The following CNTNAP2 variants were observed in gnomAD, a reference collection of about 807,000 sequenced individuals.
The protein encoded by CNTNAP2 is contactin-associated protein-like 2.
CNTNAP2 carries 98 observed loss-of-function variants against 155.2 expected under a neutral mutation model. The ratio of observed to expected loss-of-function variants is 0.63; its 90% CI spans 0.54 to 0.75. The LOEUF is 0.75. CNTNAP2 is among the 30% of genes least tolerant of loss of function. CNTNAP2 has a pLI of 0.00. For missense variants in CNTNAP2, 1,727 were observed against 1,688.1 expected (o/e 1.02, Z -0.40); for synonymous variants, 651 against 631.2 (o/e 1.03, Z -0.47).
intron 19 of CNTNAP2, 38 bp from the exon 20 acceptor site, chr7:148,229,608 G>A: frequency 6.2e-7 from 1 of 1,613,046 alleles, no homozygotes; most frequent in Non-Finnish European, 8.5e-7. Context: ...TGAAATTTAG[G>A]GCAAACAAAT....
At position 148,369,715 on chromosome 7, in the gene CNTNAP2, A is replaced by T. The variant is rs114961510; in HGVS notation, c.3476-13934A>T. Among the ~76,000 whole-genome samples, 417 of 151,066 alleles carry T rather than the reference A, an allele frequency of 2.8e-3. 3 individuals are homozygous for T. The highest frequency in any genetic ancestry group is 0.01 in the Middle Eastern group (3 of 286). On this transcript the variant is annotated intron_variant, in intron 21 of 23. Coordinates refer to ENST00000361727, the MANE Select transcript of CNTNAP2 (RefSeq NM_014141.6). ...CTACATTCACTATGAGAAAACATTC[A>T]CGTCTCAGAAATAACAGTAATAAGG... is the stretch of plus-strand genomic sequence containing the variant.
intron 21 of CNTNAP2, among the ~76,000 whole-genome samples, chr7:148,283,648 A>AT (rs111674081): frequency 5.3e-5 from 8 of 151,624 alleles, no homozygotes; most frequent in Non-Finnish European, 8.8e-5. Context: ...ATTCAGTGCC[A>AT]TTTTTTTTGC....
intron 14 of CNTNAP2, among the ~76,000 whole-genome samples, chr7:147,963,103 T>A (rs1369818960): frequency 2.0e-5 from 3 of 152,116 alleles, no homozygotes; most frequent in African/African-American, 7.2e-5. Flanking sequence ...GGCTACAAAA[T>A]GACATAATCT....
chr7:147,082,177 A>G (rs772540500), intron 4 of CNTNAP2: 3 of 152,250 alleles, frequency 2.0e-5, no homozygotes, highest in Non-Finnish European at 2.9e-5. Context: ...GGATGCTGCT[A>G]TTTAAACATT....
intron 9 of CNTNAP2, among the ~76,000 whole-genome samples, chr7:147,352,141 T>C (rs1173773624): frequency 2.0e-5 from 3 of 151,978 alleles, no homozygotes; most frequent in African/African-American, 7.2e-5. Context: ...GAAATTTGAC[T>C]GACATGACTC....
At chr7:147,640,315 G>A (rs766715504) in intron 13 of CNTNAP2, among the ~76,000 whole-genome samples, 4 of 152,206 alleles carry the variant, frequency 2.6e-5, no homozygotes, top group Non-Finnish European at 4.4e-5. Context: ...TAGTCACCAT[G>A]TTATACAATA....
intron 21 of CNTNAP2, among the ~76,000 whole-genome samples, chr7:148,366,074 A>G (rs542370185): frequency 0.025 from 248 of 9,828 alleles, 122 homozygotes; most frequent in African/African-American, 0.055. Flanking sequence ...GTATGCATGT[A>G]TGTGTGTGCA....
At chr7:147,148,369 G>C (rs566150576) in intron 8 of CNTNAP2, among the ~76,000 whole-genome samples, 1 of 128,920 alleles carries the variant, frequency 7.8e-6, no homozygotes, top group African/African-American at 3.0e-5. Context: ...CAGCCTGGGC[G>C]ACAGAGCGAG....
At chr7:147,775,346 T>A (rs1300399329) in intron 13 of CNTNAP2, among the ~76,000 whole-genome samples, 3 of 37,418 alleles carry the variant, frequency 8.0e-5, no homozygotes, top group African/African-American at 6.5e-4. Context: ...TAAATATATA[T>A]ATTTATATAT....
chr7:146,955,230 G>A (rs956610739), intron 3 of CNTNAP2, among the ~76,000 whole-genome samples: 4 of 151,860 alleles, frequency 2.6e-5, no homozygotes, highest in Non-Finnish European at 5.9e-5. Context: ...CAGCATTGTT[G>A]CCAAGCATTT....
intron 21 of CNTNAP2, among the ~76,000 whole-genome samples, chr7:148,276,078 G>A (rs1244975267): frequency 2.6e-5 from 4 of 152,116 alleles, no homozygotes; most frequent in Admixed American, 6.5e-5. Context: ...TACCAGCAGG[G>A]CCACATGTCC....
chr7:146,746,994 T>C (rs977347662), intron 1 of CNTNAP2, among the ~76,000 whole-genome samples: 2 of 152,140 alleles, frequency 1.3e-5, no homozygotes, highest in Admixed American at 6.5e-5. Context: ...TCAAAGAGTA[T>C]AAAGCTCTTG....
chr7:147,418,427 C>T (rs1227572468), intron 10 of CNTNAP2, among the ~76,000 whole-genome samples: 3 of 152,208 alleles, frequency 2.0e-5, no homozygotes, highest in Middle Eastern at 3.4e-3. Flanking sequence ...ATATAGACAT[C>T]GATATGAAGA....
At chr7:147,913,587 T>C (rs1403672750) in intron 14 of CNTNAP2, among the ~76,000 whole-genome samples, 2 of 152,172 alleles carry the variant, frequency 1.3e-5, no homozygotes, top group African/African-American at 4.8e-5. Flanking sequence ...TTCTGTTTCA[T>C]AGGTTTTAAA....
intron 1 of CNTNAP2, among the ~76,000 whole-genome samples, chr7:146,618,843 G>A (rs1302562686): frequency 6.6e-6 from 1 of 152,112 alleles, no homozygotes; most frequent in Non-Finnish European, 1.5e-5. Flanking sequence ...GCCGAGACAG[G>A]CGGATAACCT....
At chr7:146,632,595 C>CA (rs1314306538) in intron 1 of CNTNAP2, among the ~76,000 whole-genome samples, 1 of 151,386 alleles carries the variant, frequency 6.6e-6, no homozygotes, top group Non-Finnish European at 1.5e-5. Flanking sequence ...ATTTTCTGAA[C>CA]AAAAAAATGA....
chr7:147,319,145 CA>C (rs1306231514), intron 9 of CNTNAP2, among the ~76,000 whole-genome samples: 2 of 151,934 alleles, frequency 1.3e-5, no homozygotes, highest in Admixed American at 1.3e-4. Flanking sequence ...TTTTACTTTC[CA>C]GTATAGAATG....
chr7:147,544,849 C>G (rs948274537), intron 11 of CNTNAP2, among the ~76,000 whole-genome samples: 4 of 152,112 alleles, frequency 2.6e-5, no homozygotes, highest in Non-Finnish European at 5.9e-5. Flanking sequence ...CTCATTCTCT[C>G]TTGCCTGCCA....
rs916661269 is a variant in CNTNAP2 at position 146,321,638 on chromosome 7, A to G, written c.97+204665A>G. ...GAGTGTGGAATGCAGACTTAACCTC[A>G]GTGTGATTTTGCTCCAGAATAAAGC... On this transcript the variant is annotated intron_variant, in intron 1 of 23. Transcript: ENST00000361727. Among the ~76,000 whole-genome samples the G allele has an allele frequency of 7.9e-5, 12 of 152,290 alleles. 1 individual carries two copies. The South Asian group carries it at 2.3e-3, about 29-fold the overall frequency.
Sources: allele counts gnomAD v4.1 joint callset (sites outside exome capture counted in the v4.1 genomes callset), GRCh38; gene constraint gnomAD v4.1.1; transcripts MANE v1.5; gene names NCBI Gene and HGNC (gene_info 2026-07-23, HGNC 2026-07-21).